Variants in DMD observed in about 807,000 individuals in gnomAD.
DMD encodes the protein mutant dystrophin.
DMD carries 63 observed loss-of-function variants against 330.1 expected under a neutral mutation model. The observed-to-expected ratio is 0.19, with a 90% CI of 0.16 to 0.24. The LOEUF is 0.24. DMD is among the 10% of genes least tolerant of loss of function. The pLI is 1.00. For synonymous variants in DMD, 1,223 were observed against 959.8 expected, an observed-to-expected ratio of 1.27 and a Z score of -5.07; for missense variants, 3,344 against 2,684.1, an observed-to-expected ratio of 1.25 and a Z score of -5.43.
intron 53 of DMD, among the ~76,000 whole-genome samples, chrX:31,662,776 A>G (rs2081202052): frequency 8.9e-6 from 1 of 111,811 alleles, no homozygotes; most frequent in South Asian, 3.8e-4. Flanking sequence ...ACTTGCTCTG[A>G]CCATGCCTCC....
At chrX:31,207,589 T>C (rs2044215838) in intron 65 of DMD, among the ~76,000 whole-genome samples, 1 of 111,937 alleles carries the variant, frequency 8.9e-6, no homozygotes, top group Non-Finnish European at 1.9e-5. Flanking sequence ...ACGGATTAGC[T>C]GGAGACTATT....
chrX:31,283,429 G>T (rs1180918258), intron 62 of DMD, among the ~76,000 whole-genome samples: 1 of 111,294 alleles, frequency 9.0e-6, no homozygotes, highest in African/African-American at 3.3e-5. Flanking sequence ...TAAATTATGA[G>T]TTTTTAAAAA....
intron 44 of DMD, among the ~76,000 whole-genome samples, chrX:32,149,878 C>T (rs764064238): frequency 1.8e-5 from 2 of 111,971 alleles, no homozygotes; most frequent in Non-Finnish European, 3.8e-5. Context: ...ACAGACCAAA[C>T]ACATATATGG....
intron 63 of DMD, among the ~76,000 whole-genome samples, chrX:31,224,415 C>G (rs981424696): frequency 1.3e-4 from 15 of 111,723 alleles, no homozygotes; most frequent in Non-Finnish European, 2.1e-4. Context: ...ACATAAAAGC[C>G]TGAATTTCAA....
At chrX:33,047,183 A>G (rs971469310) in intron 1 of DMD, among the ~76,000 whole-genome samples, 3 of 112,155 alleles carry the variant, frequency 2.7e-5, no homozygotes, top group Non-Finnish European at 3.8e-5. Context: ...CTCTAACTCC[A>G]TTATTAACCC....
intron 54 of DMD, among the ~76,000 whole-genome samples, chrX:31,651,164 A>C (rs1312870066): frequency 1.8e-5 from 2 of 111,974 alleles, no homozygotes; most frequent in Non-Finnish European, 3.8e-5. Flanking sequence ...ATTAAGTTAG[A>C]CAATTACACT....
intron 2 of DMD, among the ~76,000 whole-genome samples, chrX:32,888,297 C>A (rs1377329028): frequency 1.8e-5 from 2 of 110,306 alleles, no homozygotes; most frequent in Non-Finnish European, 3.8e-5. Flanking sequence ...AATGCTCTCC[C>A]TCCCCTTGCT....
chrX:32,591,244 C>G (rs1387609618), intron 13 of DMD, among the ~76,000 whole-genome samples: 1 of 111,757 alleles, frequency 8.9e-6, no homozygotes, highest in Non-Finnish European at 1.9e-5. Flanking sequence ...ATTCAAATGC[C>G]TTTTATATGG....
chrX:31,432,725 T>C (rs2064176440), intron 60 of DMD, among the ~76,000 whole-genome samples: 1 of 112,167 alleles, frequency 8.9e-6, no homozygotes. Flanking sequence ...TGAACTATCA[T>C]GTGGTGTCTT....
intron 52 of DMD, among the ~76,000 whole-genome samples, chrX:31,691,870 C>G (rs762249304): frequency 9.0e-6 from 1 of 111,421 alleles, no homozygotes; most frequent in African/African-American, 3.3e-5. Flanking sequence ...AAGCAATAGA[C>G]AGAAAAATTC....
At chrX:31,396,120 A>C (rs2060910821) in intron 60 of DMD, among the ~76,000 whole-genome samples, 1 of 104,567 alleles carries the variant, frequency 9.6e-6, no homozygotes. Context: ...CAGGGCCCTT[A>C]GCTTCCAAAG....
intron 12 of DMD, among the ~76,000 whole-genome samples, chrX:32,605,783 A>G (rs2056643427): frequency 2.3e-5 from 2 of 85,611 alleles, no homozygotes; most frequent in South Asian, 9.6e-4. Context: ...GCCAACAAAC[A>G]TATGAGAAAA....
At chrX:32,733,166 A>C (rs1489976818) in intron 7 of DMD, among the ~76,000 whole-genome samples, 3 of 110,278 alleles carry the variant, frequency 2.7e-5, no homozygotes, top group Non-Finnish European at 3.8e-5. Flanking sequence ...GAGACAAAGA[A>C]GGCCATTACA....
rs765512500 is a variant in DMD at position 32,499,073 on chromosome X, T to C, written c.2380+2682A>G. Reference sequence around the variant, plus strand: ...ATTTGGAAATATGTCTGATGTACCATTTCAGGTCAAAACTGAAGTAAAATT... The same window carrying C: ...ATTTGGAAATATGTCTGATGTACCACTTCAGGTCAAAACTGAAGTAAAATT... On this transcript the variant is annotated intron_variant, in intron 19 of 78. Transcript: ENST00000357033. 7.1e-5 allele frequency among the ~76,000 whole-genome samples: 8 copies of C among 112,189 alleles called. No homozygotes were observed. In the East Asian group the frequency reaches 1.7e-3, roughly 23 times the overall value.
At chrX:32,602,119 T>C (rs893857834) in intron 12 of DMD, among the ~76,000 whole-genome samples, 1 of 111,983 alleles carries the variant, frequency 8.9e-6, no homozygotes, top group Non-Finnish European at 1.9e-5. Context: ...AAGTGTTAAA[T>C]CCTTAAATAA....
At chrX:32,075,570 C>A (rs1456209425) in intron 44 of DMD, among the ~76,000 whole-genome samples, 2 of 111,420 alleles carry the variant, frequency 1.8e-5, no homozygotes, top group Admixed American at 1.9e-4. Context: ...TCTTGTGAAA[C>A]CGTTGTTTAT....
intron 44 of DMD, among the ~76,000 whole-genome samples, chrX:32,005,206 C>T (rs908444331): frequency 2.7e-5 from 3 of 111,648 alleles, no homozygotes; most frequent in African/African-American, 6.5e-5. Flanking sequence ...TCCAACATGG[C>T]TCCCAGTGTC....
intron 54 of DMD, among the ~76,000 whole-genome samples, chrX:31,657,600 A>G (rs1240302750): frequency 8.9e-6 from 1 of 111,944 alleles, no homozygotes; most frequent in Non-Finnish European, 1.9e-5. Flanking sequence ...ATGTACAGCT[A>G]TAACTCTATC....
At chrX:32,785,790 T>C (rs972407827) in intron 7 of DMD, among the ~76,000 whole-genome samples, 15 of 111,672 alleles carry the variant, frequency 1.3e-4, no homozygotes, top group African/African-American at 4.9e-4. Context: ...ATACATTATT[T>C]ATTTTTATCC....
Sources: gnomAD v4.1 joint callset for allele counts (sites outside exome capture counted in the v4.1 genomes callset) on GRCh38, gnomAD v4.1.1 for gene constraint, MANE v1.5 for transcripts, NCBI Gene and HGNC (gene_info 2026-07-23, HGNC 2026-07-21) for gene names.